ADARB2: variants seen among roughly 807,000 people sequenced by gnomAD.
The protein encoded by ADARB2 is adenosine deaminase RNA specific B2 (inactive).
ADARB2 carries 25 observed loss-of-function variants against 62.2 expected under a neutral mutation model. That is an observed-to-expected ratio of 0.40 (90% confidence interval 0.29 to 0.56). The LOEUF is 0.56. ADARB2 is among the 20% of genes least tolerant of loss of function. ADARB2 has a pLI of 0.43. For synonymous variants in ADARB2, 572 were observed against 500.8 expected (o/e 1.14, Z -1.90); for missense variants, 1,071 against 1,077.4 (o/e 0.99, Z 0.08).
At chr10:1,488,147 T>C (rs1418881588) in intron 1 of ADARB2, among the ~76,000 whole-genome samples, 3 of 151,460 alleles carry the variant, frequency 2.0e-5, no homozygotes, top group Non-Finnish European at 4.4e-5. Context: ...GACTATTTCA[T>C]AATTTATAAG....
At chr10:1,682,029 A>G (rs1461554407) in intron 1 of ADARB2, among the ~76,000 whole-genome samples, 2 of 152,190 alleles carry the variant, frequency 1.3e-5, no homozygotes, top group Non-Finnish European at 2.9e-5. Flanking sequence ...TAACAGACGC[A>G]TATTTATGTG....
Position 1,712,763 on chromosome 10 carries a change from G to T in ADARB2, c.100+24288C>A, listed in dbSNP as rs556774171. Among the ~76,000 whole-genome samples, 16 of 92,870 alleles carry T rather than the reference G, an allele frequency of 1.7e-4. 1 individual carries two copies. The South Asian group carries it at 2.0e-3, about 11-fold the overall frequency. The allele number at this position is 92,870 out of a possible 152,430, so 60.9% of individuals were successfully genotyped here. On this transcript the variant is annotated intron_variant, in intron 1 of 9. Transcript: ENST00000381312. ...AGCTGGGACTACAGGCTCCCACCAC[G>T]ACGCCCAACTAATTTTTTTGTATTT...
intron 1 of ADARB2, among the ~76,000 whole-genome samples, chr10:1,393,188 C>T (rs1444076472): frequency 6.6e-6 from 1 of 152,146 alleles, no homozygotes; most frequent in Admixed American, 6.5e-5. Context: ...TTCTTCTTCT[C>T]TCTGTTGGTT....
At chr10:1,241,550 C>T (rs954879076) in intron 5 of ADARB2, among the ~76,000 whole-genome samples, 9 of 152,162 alleles carry the variant, frequency 5.9e-5, no homozygotes, top group African/African-American at 1.9e-4. Context: ...GCGGAGGCCA[C>T]GTGCTGCAAA....
intron 1 of ADARB2, among the ~76,000 whole-genome samples, chr10:1,578,550 G>A (rs372461448): frequency 7.9e-4 from 121 of 152,206 alleles, no homozygotes; most frequent in African/African-American, 2.6e-3. Flanking sequence ...GGGGCCCTTG[G>A]CGTGGGTCTG....
At chr10:1,284,248 A>C (rs1589177516) in intron 3 of ADARB2, among the ~76,000 whole-genome samples, 1 of 152,246 alleles carries the variant, frequency 6.6e-6, no homozygotes, top group South Asian at 2.1e-4. Flanking sequence ...CCTGACCGGC[A>C]GGGTGACAGG....
At chr10:1,220,934 G>C (rs1830689830) in intron 6 of ADARB2, among the ~76,000 whole-genome samples, 1 of 152,174 alleles carries the variant, frequency 6.6e-6, no homozygotes. Flanking sequence ...TGCATGAGTT[G>C]CTCCTGAGTG....
At chr10:1,709,413 C>T (rs1834926587) in intron 1 of ADARB2, among the ~76,000 whole-genome samples, 1 of 152,208 alleles carries the variant, frequency 6.6e-6, no homozygotes, top group Non-Finnish European at 1.5e-5. Context: ...TTTCTTGCCA[C>T]AGACTCTAAT....
Position 1,391,014 on chromosome 10 carries a change from C to A in ADARB2, c.101-11854G>T, listed in dbSNP as rs150861833. ...CTGCTTTTTGGCTCACCCCCTGCCCCCTTAGTTGCCCTCACCTGAACCAAA... is the reference window on the plus strand; with the variant it reads ...CTGCTTTTTGGCTCACCCCCTGCCCACTTAGTTGCCCTCACCTGAACCAAA... On this transcript the variant is annotated intron_variant, in intron 1 of 9. Coordinates refer to ENST00000381312, the MANE Select transcript of ADARB2 (RefSeq NM_018702.4). 2.5e-3 allele frequency among the ~76,000 whole-genome samples: 385 copies of A among 152,310 alleles called. 2 individuals carry two copies. Among genetic ancestry groups the A allele is most frequent in the African/African-American group, 9.1e-3 (379 of 41,560 alleles).
At chr10:1,315,301 C>T (rs185631500) in intron 3 of ADARB2, among the ~76,000 whole-genome samples, 6 of 152,326 alleles carry the variant, frequency 3.9e-5, no homozygotes, top group African/African-American at 9.6e-5. Context: ...TGCATCAGCC[C>T]CAGCCAGCGC....
chr10:1,672,604 C>T (rs1466424381), intron 1 of ADARB2, among the ~76,000 whole-genome samples: 1 of 151,688 alleles, frequency 6.6e-6, no homozygotes, highest in African/African-American at 2.4e-5. Flanking sequence ...CCAAGCCCCG[C>T]GCCTGCCTCC....
chr10:1,525,549 C>T (rs2131954616), intron 1 of ADARB2, among the ~76,000 whole-genome samples: 1 of 152,216 alleles, frequency 6.6e-6, no homozygotes, highest in Non-Finnish European at 1.5e-5. Flanking sequence ...ACATCAGCAG[C>T]CCGACGCTGG....
intron 1 of ADARB2, among the ~76,000 whole-genome samples, chr10:1,471,917 G>A (rs189562427): frequency 3.5e-4 from 53 of 152,218 alleles, no homozygotes; most frequent in African/African-American, 1.2e-3. Flanking sequence ...TATGAACAGC[G>A]GTCTCTGGGT....
At chr10:1,203,755 C>T (rs1373490551) in intron 7 of ADARB2, among the ~76,000 whole-genome samples, 3 of 152,090 alleles carry the variant, frequency 2.0e-5, no homozygotes, top group Admixed American at 6.5e-5. Flanking sequence ...CCAGTTAGGT[C>T]GTGATGCTGG....
chr10:1,649,120 G>A (rs1273694975), intron 1 of ADARB2, among the ~76,000 whole-genome samples: 4 of 152,206 alleles, frequency 2.6e-5, no homozygotes, highest in South Asian at 2.1e-4. Context: ...GACCTCAGAC[G>A]CAAACTCAAC....
At chr10:1,642,657 T>C (rs145025048) in intron 1 of ADARB2, among the ~76,000 whole-genome samples, 29 of 152,238 alleles carry the variant, frequency 1.9e-4, no homozygotes, top group African/African-American at 7.0e-4. Context: ...GCTTTCAAAA[T>C]AGCGAATTAG....
intron 4 of ADARB2, among the ~76,000 whole-genome samples, chr10:1,260,145 C>T (rs1281127145): frequency 6.6e-6 from 1 of 152,130 alleles, no homozygotes; most frequent in Non-Finnish European, 1.5e-5. Flanking sequence ...ATTGATGGGA[C>T]GTATCTGAAA....
chr10:1,262,164 G>C (rs1831145312), intron 4 of ADARB2, among the ~76,000 whole-genome samples: 1 of 105,532 alleles, frequency 9.5e-6, no homozygotes, highest in Non-Finnish European at 1.8e-5. Context: ...AGGGGGGAGG[G>C]ATAGCATTGG....
chr10:1,309,836 C>T (rs150023469), intron 3 of ADARB2, among the ~76,000 whole-genome samples: 122 of 152,300 alleles, frequency 8.0e-4, no homozygotes, highest in African/African-American at 2.9e-3. Context: ...GCTCTCCCGG[C>T]CCCTATTTTA....
Sources: gnomAD v4.1 joint callset for allele counts (sites outside exome capture counted in the v4.1 genomes callset) on GRCh38, gnomAD v4.1.1 for gene constraint, MANE v1.5 for transcripts, NCBI Gene and HGNC (gene_info 2026-07-23, HGNC 2026-07-21) for gene names.